SPTLC3: variants seen among roughly 807,000 people sequenced by gnomAD.
SPTLC3 encodes serine palmitoyltransferase 3.
A neutral mutation model predicts 59.3 loss-of-function variants in SPTLC3; 36 were observed. The ratio of observed to expected loss-of-function variants is 0.61; its 90% CI spans 0.47 to 0.80. SPTLC3 has a LOEUF of 0.80. Ranked by LOEUF, SPTLC3 falls within the 30% of genes least tolerant of loss-of-function variation. The probability of loss-of-function intolerance (pLI) is 0.00; values close to 1 mark genes in which losing one functional copy is unlikely to be tolerated. For missense variants in SPTLC3, 625 were observed against 685.1 expected, an observed-to-expected ratio of 0.91 and a Z score of 0.98; for synonymous variants, 257 against 240.8, an observed-to-expected ratio of 1.07 and a Z score of -0.62.
chr20:13,022,462 G>A (rs1985934476), intron 1 of SPTLC3, among the ~76,000 whole-genome samples: 1 of 152,320 alleles, frequency 6.6e-6, no homozygotes, highest in East Asian at 1.9e-4. Context: ...AAAAGGAACA[G>A]TGAGGACAGC....
intron 2 of SPTLC3, among the ~76,000 whole-genome samples, chr20:13,063,224 C>A (rs1477440032): frequency 6.6e-6 from 1 of 152,182 alleles, no homozygotes; most frequent in African/African-American, 2.4e-5. Flanking sequence ...ACACTTAACT[C>A]TTCTCAGACT....
At chr20:13,035,768 T>A (rs1986706647) in intron 1 of SPTLC3, among the ~76,000 whole-genome samples, 1 of 152,210 alleles carries the variant, frequency 6.6e-6, no homozygotes, top group Non-Finnish European at 1.5e-5. Flanking sequence ...GGGCTGAGAC[T>A]TGAGTTTTAT....
chr20:13,137,214 A>G (rs2038267919), intron 9 of SPTLC3, among the ~76,000 whole-genome samples: 1 of 152,180 alleles, frequency 6.6e-6, no homozygotes, highest in Non-Finnish European at 1.5e-5. Context: ...CCTCCTCACA[A>G]TAAATCTTTC....
At chr20:13,152,378 A>C (rs1422720197) in intron 9 of SPTLC3, among the ~76,000 whole-genome samples, 3 of 152,120 alleles carry the variant, frequency 2.0e-5, no homozygotes, top group Non-Finnish European at 4.4e-5. Flanking sequence ...CACCTGAATT[A>C]CTCATGACAC....
chr20:13,060,249 A>C (rs1987903712), intron 2 of SPTLC3, among the ~76,000 whole-genome samples: 1 of 152,198 alleles, frequency 6.6e-6, no homozygotes, highest in Non-Finnish European at 1.5e-5. Flanking sequence ...TACAGGTAGC[A>C]AAGATTCAGT....
At chr20:13,017,319 G>T (rs1985581300) in intron 1 of SPTLC3, among the ~76,000 whole-genome samples, 1 of 152,116 alleles carries the variant, frequency 6.6e-6, no homozygotes, top group South Asian at 2.1e-4. Context: ...GCCTCACTTT[G>T]AACAACTCTA....
chr20:13,063,994 C>T (rs932720348), intron 2 of SPTLC3, among the ~76,000 whole-genome samples: 1 of 151,442 alleles, frequency 6.6e-6, no homozygotes, highest in Admixed American at 6.6e-5. Context: ...TCCCCAGTAT[C>T]ATTAATTAAA....
At chr20:13,014,919 C>G (rs1985449034) in intron 1 of SPTLC3, among the ~76,000 whole-genome samples, 1 of 152,128 alleles carries the variant, frequency 6.6e-6, no homozygotes. Flanking sequence ...TCAAGCTGAG[C>G]TACAGGTGCT....
chr20:13,095,812 CCT>C (rs761672693), intron 6 of SPTLC3, among the ~76,000 whole-genome samples: 18 of 152,156 alleles, frequency 1.2e-4, no homozygotes, highest in Non-Finnish European at 8.8e-5. Context: ...CCTCACTCTT[CCT>C]CTCTCTACTC....
At chr20:13,095,049 G>T (rs909309371) in intron 6 of SPTLC3, among the ~76,000 whole-genome samples, 1 of 152,138 alleles carries the variant, frequency 6.6e-6, no homozygotes, top group Non-Finnish European at 1.5e-5. Flanking sequence ...TGGCAGTGTT[G>T]GGAATTCATG....
chr20:13,093,675 G>A (rs560006005), intron 6 of SPTLC3, 98 bp downstream of exon 6: 8 of 1,058,750 alleles, frequency 7.6e-6, no homozygotes, highest in South Asian at 3.1e-5. Flanking sequence ...AGGTGACAAC[G>A]TAGCCTCATG....
At chr20:13,036,137 A>C (rs6033582) in intron 1 of SPTLC3, among the ~76,000 whole-genome samples, 21,355 of 152,126 alleles carry the variant, frequency 0.14, 2,262 homozygotes, top group African/African-American at 0.3. Flanking sequence ...ATTTTACCAA[A>C]CATTAGGTGA....
chr20:13,043,870 A>G (rs1987103742), intron 1 of SPTLC3, among the ~76,000 whole-genome samples: 1 of 152,088 alleles, frequency 6.6e-6, no homozygotes, highest in African/African-American at 2.4e-5. Flanking sequence ...AAGTCCCTGC[A>G]GTCTGATAAA....
chr20:13,165,099 T>TACACACACACACAC lies in SPTLC3; in HGVS notation c.*241_*254dup, dbSNP rs34511643. ...CTTCTTCCAAGTATTCTACTAGAAA[T>TACACACACACACAC]ACACACACACACACACACACACTTC... On this transcript the variant is annotated 3_prime_UTR_variant, in exon 12 of 12. Coordinates refer to ENST00000399002, the MANE Select transcript of SPTLC3 (RefSeq NM_018327.4). 1.7e-5 allele frequency: 6 copies of TACACACACACACAC among 362,834 alleles called. No homozygotes were observed. Among genetic ancestry groups the TACACACACACACAC allele is most frequent in the Admixed American group, 8.7e-5 (2 of 22,896 alleles). The allele number at this position is 362,834 out of a possible 1,614,324, so 22.5% of individuals were successfully genotyped here.
intron 2 of SPTLC3, among the ~76,000 whole-genome samples, chr20:13,057,892 T>C (rs1987792182): frequency 6.6e-6 from 1 of 152,182 alleles, no homozygotes; most frequent in African/African-American, 2.4e-5. Context: ...TCAGCAAATA[T>C]AATCAATTAA....
rs1173910526 is a variant in SPTLC3, at chr20:13,039,964, T to C, written c.118-8981T>C. ...TTATAAAATCAACAGTACAATCTTA[T>C]AAATACTATGTTGTACAATTTTATG... On this transcript the variant is annotated intron_variant, in intron 1 of 11. Coordinates refer to ENST00000399002, the MANE Select transcript of SPTLC3 (RefSeq NM_018327.4). Among the ~76,000 whole-genome samples, 5 of 152,150 alleles carry C rather than the reference T, an allele frequency of 3.3e-5. No homozygotes were observed. In the South Asian group the frequency reaches 6.2e-4, roughly 19 times the overall value.
Position 13,053,166 on chromosome 20 carries a change from G to T in SPTLC3, c.303+4036G>T, listed in dbSNP as rs574776328. ...GAGCTCCGGCTGGCATCTGGTGGGT[G>T]GCCCTCTGGGATGAAGCTTCCAGAG... On this transcript the variant is annotated intron_variant, in intron 2 of 11. Transcript: ENST00000399002. Among the ~76,000 whole-genome samples the T allele has an allele frequency of 2.6e-5, 4 of 152,266 alleles. No homozygotes were observed. In the East Asian group the frequency reaches 7.8e-4, roughly 30 times the overall value.
chr20:13,038,738 A>T (rs919611007), intron 1 of SPTLC3, among the ~76,000 whole-genome samples: 5 of 152,086 alleles, frequency 3.3e-5, no homozygotes, highest in South Asian at 2.1e-4. Flanking sequence ...TAAGGTGATA[A>T]GTTATTGATT....
chr20:13,117,831 C>T lies in SPTLC3; in HGVS notation c.1152+106C>T, dbSNP rs1474017916. The T allele has an allele frequency of 3.9e-6, 4 of 1,026,400 alleles. No individual in the cohort carries two copies. In the East Asian group the frequency reaches 1.0e-4, roughly 26 times the overall value. The allele number at this position is 1,026,400 out of a possible 1,614,324, so 63.6% of individuals were successfully genotyped here. A position where few individuals can be genotyped will look rare whatever the true frequency, so the allele number is the denominator to read the frequency against. Reference sequence around the variant, plus strand: ...AAAGCTTCAATTCAGTTCACCACACCTCAGCTGATCACTCCAGCCTGGCTA... The same window carrying T: ...AAAGCTTCAATTCAGTTCACCACACTTCAGCTGATCACTCCAGCCTGGCTA... On this transcript the variant is annotated intron_variant, in intron 8 of 11. Transcript: ENST00000399002.
Sources: gnomAD v4.1 joint callset for allele counts (sites outside exome capture counted in the v4.1 genomes callset) on GRCh38, gnomAD v4.1.1 for gene constraint, MANE v1.5 for transcripts, NCBI Gene and HGNC (gene_info 2026-07-23, HGNC 2026-07-21) for gene names.